Variants in CTDSPL observed in about 807,000 individuals in gnomAD.
CTDSPL encodes CTD small phosphatase like, also known as CTD small phosphatase-like protein.
CTDSPL carries 8 observed loss-of-function variants against 30.5 expected under a neutral mutation model. The ratio of observed to expected loss-of-function variants is 0.26; its 90% CI spans 0.15 to 0.47. The LOEUF is 0.47. Among genes scored for constraint, CTDSPL ranks in the 20% least tolerant of loss-of-function variants. The pLI is 0.99. For missense variants in CTDSPL, 248 were observed against 366.1 expected (o/e 0.68, Z 2.63); for synonymous variants, 110 against 137.9 (o/e 0.80, Z 1.42).
chr3:37,878,485 C>CTA (rs1003976149), intron 1 of CTDSPL, among the ~76,000 whole-genome samples: 40 of 152,114 alleles, frequency 2.6e-4, no homozygotes, highest in African/African-American at 9.4e-4. Flanking sequence ...AAATCAATGA[C>CTA]TATATATATG....
At chr3:37,903,158 G>A (rs774244475) in intron 1 of CTDSPL, among the ~76,000 whole-genome samples, 6 of 152,184 alleles carry the variant, frequency 3.9e-5, no homozygotes, top group South Asian at 2.1e-4. Flanking sequence ...GAGAGTATGC[G>A]TTCTATGAAA....
chr3:37,977,639 A>AAAGCTG (rs1261303074), intron 7 of CTDSPL, among the ~76,000 whole-genome samples: 157 of 150,712 alleles, frequency 1.0e-3, no homozygotes, highest in African/African-American at 3.6e-3. Flanking sequence ...CTATAATCCC[A>AAAGCTG]GCACTTTGGG....
intron 2 of CTDSPL, among the ~76,000 whole-genome samples, chr3:37,951,738 A>T (rs1300422045): frequency 2.6e-5 from 4 of 152,108 alleles, no homozygotes; most frequent in African/African-American, 9.7e-5. Flanking sequence ...ATAGAACTGT[A>T]ACAAGTGGCA....
chr3:37,952,323 A>G (rs1404022710), intron 2 of CTDSPL, among the ~76,000 whole-genome samples: 1 of 152,230 alleles, frequency 6.6e-6, no homozygotes. Context: ...AGCCTGAGTC[A>G]GGTAGTTGGT....
At chr3:37,976,174 T>A (rs1699425477) in intron 7 of CTDSPL, among the ~76,000 whole-genome samples, 2 of 152,174 alleles carry the variant, frequency 1.3e-5, no homozygotes, top group Admixed American at 1.3e-4. Context: ...AGAATAGTGC[T>A]TGAGACTGGT....
intron 5 of CTDSPL, chr3:37,968,183 TC>T (rs1238640468): frequency 2.1e-6 from 1 of 465,392 alleles, no homozygotes; most frequent in African/African-American, 2.0e-5. Context: ...CTAATTAACT[TC>T]CTTGTGTAAT....
intron 3 of CTDSPL, among the ~76,000 whole-genome samples, chr3:37,957,770 C>T (rs1206876003): frequency 6.6e-6 from 1 of 152,202 alleles, no homozygotes; most frequent in African/African-American, 2.4e-5. Flanking sequence ...TCCACCCCAG[C>T]ACCGTCCTGC....
At chr3:37,923,486 G>C (rs914988574) in intron 1 of CTDSPL, among the ~76,000 whole-genome samples, 4 of 152,186 alleles carry the variant, frequency 2.6e-5, no homozygotes, top group African/African-American at 9.6e-5. Context: ...TCCCCAGCGT[G>C]TGGTGTCTAT....
chr3:37,878,048 G>A (rs1698158646), intron 1 of CTDSPL, among the ~76,000 whole-genome samples: 3 of 152,114 alleles, frequency 2.0e-5, no homozygotes, highest in African/African-American at 7.2e-5. Context: ...CCCACCAACA[G>A]TGCACAGGGG....
intron 1 of CTDSPL, among the ~76,000 whole-genome samples, chr3:37,933,931 A>G (rs572445872): frequency 1.5e-4 from 23 of 152,370 alleles, no homozygotes; most frequent in Middle Eastern, 3.4e-3. Flanking sequence ...AACAAATTGC[A>G]GCATTTGCTG....
Position 37,862,062 on chromosome 3 carries a change from G to T in CTDSPL, c.-138G>T, listed in dbSNP as rs1697945464. Reference sequence around the variant, plus strand: ...GCCCGGGCCGCCTCTCCCAGAGCGCGGGGCCGGGCGGCGGGCGCGCCCAGG... The same window carrying T: ...GCCCGGGCCGCCTCTCCCAGAGCGCTGGGCCGGGCGGCGGGCGCGCCCAGG... On this transcript the variant is annotated 5_prime_UTR_variant, in exon 1 of 8. Transcript: ENST00000273179. The surrounding 1 kb of genome is among the most constrained non-coding windows in gnomAD (Gnocchi z 4.3). The T allele has an allele frequency of 6.1e-6, 1 of 162,924 alleles. No homozygotes were observed. The highest frequency in any genetic ancestry group is 1.2e-5 in the Non-Finnish European group (1 of 83,006). The allele number at this position is 162,924 out of a possible 1,614,324, so 10.1% of individuals were successfully genotyped here.
chr3:37,924,587 G>A (rs1698758769), intron 1 of CTDSPL, among the ~76,000 whole-genome samples: 2 of 152,124 alleles, frequency 1.3e-5, no homozygotes, highest in African/African-American at 4.8e-5. Context: ...AAATATTTGG[G>A]GCCACGTTTA....
intron 3 of CTDSPL, among the ~76,000 whole-genome samples, chr3:37,964,343 T>C (rs1699276432): frequency 6.6e-6 from 1 of 152,244 alleles, no homozygotes; most frequent in South Asian, 2.1e-4. Context: ...GAGCTGATGA[T>C]TGAAACCAGG....
intron 1 of CTDSPL, among the ~76,000 whole-genome samples, chr3:37,894,324 C>G (rs1240485286): frequency 2.0e-5 from 3 of 151,694 alleles, no homozygotes; most frequent in Non-Finnish European, 2.9e-5. Context: ...CCAGGCCGAT[C>G]TCAAACTCTT....
rs546857119 is a variant in CTDSPL at position 37,968,444 on chromosome 3, G to A, written c.426+562G>A. On this transcript the variant is annotated intron_variant, in intron 5 of 7. Coordinates refer to ENST00000273179, the MANE Select transcript of CTDSPL (RefSeq NM_001008392.2). ...CCGTAGTCAGTTGGCATGCGTCTTCGTTGCTTCTGATTTTTTTTCCTTATC... is the reference window on the plus strand; with the variant it reads ...CCGTAGTCAGTTGGCATGCGTCTTCATTGCTTCTGATTTTTTTTCCTTATC... 3.6e-5 allele frequency: 8 copies of A among 221,596 alleles called. No homozygotes were observed. The Middle Eastern group carries it at 2.9e-3, about 81-fold the overall frequency. The allele number at this position is 221,596 out of a possible 1,614,324, so 13.7% of individuals were successfully genotyped here. A position where few individuals can be genotyped will look rare whatever the true frequency, so the allele number is the denominator to read the frequency against.
rs538800988 is a variant in CTDSPL at position 37,900,474 on chromosome 3, A to G, written c.79+38196A>G. 5.3e-5 allele frequency among the ~76,000 whole-genome samples: 8 copies of G among 152,340 alleles called. No homozygotes were observed. In the East Asian group the frequency reaches 1.5e-3, roughly 29 times the overall value. ...TGGCTTCTATTGATACAAAGATTTGAAGAAAGAAAGGGAAAGTGTGACAGG... is the reference window on the plus strand; with the variant it reads ...TGGCTTCTATTGATACAAAGATTTGGAGAAAGAAAGGGAAAGTGTGACAGG... On this transcript the variant is annotated intron_variant, in intron 1 of 7. Transcript: ENST00000273179.
intron 1 of CTDSPL, among the ~76,000 whole-genome samples, chr3:37,924,226 G>A (rs1698754334): frequency 6.6e-6 from 1 of 152,142 alleles, no homozygotes; most frequent in African/African-American, 2.4e-5. Context: ...AGTATTGTGT[G>A]TCCTGTTTAT....
In CTDSPL at chr3:37,862,222, C is replaced by T; in HGVS notation, c.23C>T (p.Thr8Ile). 6.8e-7 allele frequency: 1 copy of T among 1,469,340 alleles called. No individual in the cohort carries two copies. 91.0% of individuals were successfully genotyped at this position (1,469,340 alleles called of 1,614,324 possible). A position where few individuals can be genotyped will look rare whatever the true frequency, so the allele number is the denominator to read the frequency against. Residue 8 changes from threonine (T) to isoleucine (I), a missense_variant, in exon 1 of 8, where the codon ACC becomes ATC. Physicochemically the swap from Thr to Ile is moderately conservative, Grantham distance 89. This residue lies in a region of CTDSPL where 118 missense variants were observed against 124.7 expected (regional missense o/e 0.95). Transcript: ENST00000273179. This position sits in a 1 kb window ranked among gnomAD's most constrained non-coding sequence, Gnocchi z 4.3. The part of the protein sequence containing the change: MDGPAII[T>I]QVTNPKEDEG... ...CCCATGGACGGCCCGGCCATCATCACCCAGGTGACCAACCCCAAGGAGGAC... is the reference window on the plus strand; with the variant it reads ...CCCATGGACGGCCCGGCCATCATCATCCAGGTGACCAACCCCAAGGAGGAC...
intron 5 of CTDSPL, chr3:37,969,333 C>G: frequency 2.1e-6 from 1 of 480,862 alleles, no homozygotes; most frequent in Non-Finnish European, 4.3e-6. Context: ...GGGCTGGGGT[C>G]AGAAATTCTC....
Sources: gnomAD v4.1 joint callset for allele counts (sites outside exome capture counted in the v4.1 genomes callset) on GRCh38, gnomAD v4.1.1 for gene constraint, gnomAD v4.1.1 regional missense constraint, Gnocchi (gnomAD v3.1) non-coding constraint, MANE v1.5 for transcripts, NCBI Gene and HGNC (gene_info 2026-07-23, HGNC 2026-07-21) for gene names.